Variants in RAB30 observed in about 807,000 individuals in gnomAD.
The protein encoded by RAB30 is RAB30, member RAS oncogene family.
In RAB30, 9 loss-of-function variants were observed where a neutral mutation model predicts 25.1. The observed-to-expected ratio is 0.36, with a 90% CI of 0.22 to 0.63. RAB30 has a LOEUF of 0.63. RAB30 is among the 20% of genes least tolerant of loss of function. The probability of loss-of-function intolerance (pLI) is 0.69; values close to 1 mark genes in which losing one functional copy is unlikely to be tolerated. For synonymous variants in RAB30, 77 were observed against 86.4 expected (o/e 0.89, Z 0.60); for missense variants, 140 against 243.5 (o/e 0.58, Z 2.83).
intron 1 of RAB30, among the ~76,000 whole-genome samples, chr11:83,002,898 G>A (rs1233984400): frequency 6.6e-6 from 1 of 152,164 alleles, no homozygotes; most frequent in African/African-American, 2.4e-5. Flanking sequence ...AAAGTCAGAG[G>A]CCAGGTCTTC....
chr11:83,052,197 G>A (rs926931258), intron 1 of RAB30, among the ~76,000 whole-genome samples: 2 of 152,160 alleles, frequency 1.3e-5, no homozygotes, highest in African/African-American at 4.8e-5. Context: ...ACACGCTACA[G>A]GCTTGTTATA....
chr11:82,993,829 C>T (rs75529202), intron 3 of RAB30, among the ~76,000 whole-genome samples: 5,360 of 152,246 alleles, frequency 0.035, 334 homozygotes, highest in African/African-American at 0.12. Context: ...TAGCCATTTT[C>T]TGTCTTCTAA....
chr11:83,069,417 C>T (rs1443543959), intron 1 of RAB30, among the ~76,000 whole-genome samples: 2 of 152,294 alleles, frequency 1.3e-5, no homozygotes, highest in African/African-American at 2.4e-5. Context: ...TCACACTCTT[C>T]CCGTTAAGAG....
At chr11:82,999,457 C>T (rs1857027827) in intron 1 of RAB30, among the ~76,000 whole-genome samples, 1 of 152,196 alleles carries the variant, frequency 6.6e-6, no homozygotes, top group African/African-American at 2.4e-5. Flanking sequence ...AACACCTATA[C>T]CACAGAACTG....
At chr11:83,001,676 G>C (rs1857088365) in intron 1 of RAB30, among the ~76,000 whole-genome samples, 1 of 152,080 alleles carries the variant, frequency 6.6e-6, no homozygotes, top group Non-Finnish European at 1.5e-5. Context: ...CCTTCTGTTT[G>C]GTACATAAAG....
intron 1 of RAB30, among the ~76,000 whole-genome samples, chr11:83,057,970 C>T (rs12287345): frequency 0.15 from 22,676 of 152,136 alleles, 1,791 homozygotes; most frequent in Middle Eastern, 0.23. Context: ...AGGTGACAGG[C>T]ACCACGCTGA....
chr11:83,038,657 CT>C (rs1471938892), intron 1 of RAB30: 1 of 152,024 alleles, frequency 6.6e-6, no homozygotes, highest in Non-Finnish European at 1.5e-5. Flanking sequence ...CCTGTCTCTA[CT>C]AAAAATACAA....
intron 3 of RAB30, among the ~76,000 whole-genome samples, chr11:82,990,599 A>T (rs1226464909): frequency 6.6e-6 from 1 of 152,214 alleles, no homozygotes; most frequent in African/African-American, 2.4e-5. Flanking sequence ...TGACTCTCCT[A>T]TCTATCAACA....
chr11:82,983,310 C>T (rs1487461033), intron 4 of RAB30, among the ~76,000 whole-genome samples: 2 of 152,052 alleles, frequency 1.3e-5, no homozygotes. Flanking sequence ...CTTAAAAATG[C>T]TTTATATAAT....
intron 1 of RAB30, chr11:83,071,471 G>C (rs1858845375): frequency 4.6e-5 from 7 of 152,226 alleles, no homozygotes. Flanking sequence ...GTTGCGACTA[G>C]GGAATTGGCA....
chr11:83,039,972 G>C (rs896211906), intron 1 of RAB30, among the ~76,000 whole-genome samples: 1 of 152,182 alleles, frequency 6.6e-6, no homozygotes, highest in Non-Finnish European at 1.5e-5. Flanking sequence ...AGGAGGGAAA[G>C]GGTAAGAAAA....
intron 3 of RAB30, among the ~76,000 whole-genome samples, chr11:82,990,781 T>C (rs184366221): frequency 6.6e-6 from 1 of 152,306 alleles, no homozygotes; most frequent in East Asian, 1.9e-4. Context: ...TTTATTCTGC[T>C]AAAACATACA....
intron 1 of RAB30, among the ~76,000 whole-genome samples, chr11:83,048,275 T>C (rs1858276605): frequency 6.6e-6 from 1 of 151,500 alleles, no homozygotes; most frequent in South Asian, 2.1e-4. Context: ...AGACCAGGAG[T>C]TCGAGACCAG....
chr11:83,012,890 T>C (rs1043266604), intron 1 of RAB30, among the ~76,000 whole-genome samples: 5 of 152,120 alleles, frequency 3.3e-5, no homozygotes, highest in Admixed American at 2.0e-4. Flanking sequence ...TCCCAGAGCA[T>C]GGGCCCCTAG....
chr11:83,017,030 C>T (rs1217153373), intron 1 of RAB30, among the ~76,000 whole-genome samples: 1 of 152,108 alleles, frequency 6.6e-6, no homozygotes, highest in African/African-American at 2.4e-5. Context: ...AGGGGCTAAA[C>T]TCTTCAGTGA....
intron 2 of RAB30, among the ~76,000 whole-genome samples, chr11:82,996,526 C>T (rs1422418094): frequency 1.3e-5 from 2 of 152,130 alleles, no homozygotes; most frequent in African/African-American, 4.8e-5. Flanking sequence ...TCATATTTTT[C>T]AGGGGAAAAC....
chr11:83,058,593 T>C (rs1481433897), intron 1 of RAB30, among the ~76,000 whole-genome samples: 1 of 152,266 alleles, frequency 6.6e-6, no homozygotes, highest in Non-Finnish European at 1.5e-5. Context: ...ACACGAGTGA[T>C]ACTGTGAACT....
In RAB30 at chr11:83,027,477, A is replaced by G. The variant is rs1393341228; in HGVS notation, c.-8-30153T>C. Among the ~76,000 whole-genome samples the G allele has an allele frequency of 3.3e-5, 5 of 152,188 alleles. 1 individual carries two copies. In the East Asian group the frequency reaches 7.7e-4, roughly 23 times the overall value. On this transcript the variant is annotated intron_variant, in intron 1 of 4. Transcript: ENST00000527633. Reference sequence around the variant, plus strand: ...GACTCTTTGCTGGTGAATGTACCCAAGGGAAAACCTGAAGATGGTAACATC... The same window carrying G: ...GACTCTTTGCTGGTGAATGTACCCAGGGGAAAACCTGAAGATGGTAACATC...
intron 1 of RAB30, among the ~76,000 whole-genome samples, chr11:83,000,877 T>TA (rs35685304): frequency 2.8e-4 from 41 of 147,924 alleles, no homozygotes; most frequent in African/African-American, 6.2e-4. Flanking sequence ...CCGTCTCTAC[T>TA]AAAAAAAAAA....
Sources: allele counts gnomAD v4.1 joint callset (sites outside exome capture counted in the v4.1 genomes callset), GRCh38; gene constraint gnomAD v4.1.1; transcripts MANE v1.5; gene names NCBI Gene and HGNC (gene_info 2026-07-23, HGNC 2026-07-21).